Variants in UNC13C observed in about 807,000 individuals in gnomAD.
UNC13C encodes unc-13 homolog C.
Under a neutral mutation model 245.4 loss-of-function variants are expected in UNC13C, and 174 were observed. The observed-to-expected ratio is 0.71, with a 90% CI of 0.63 to 0.80. The LOEUF (loss-of-function observed/expected upper bound fraction) is 0.80, where lower values mean the gene tolerates loss of function less well. Among genes scored for constraint, UNC13C ranks in the 30% least tolerant of loss-of-function variants. The probability of loss-of-function intolerance (pLI) is 0.00; values close to 1 mark genes in which losing one functional copy is unlikely to be tolerated. For synonymous variants in UNC13C, 992 were observed against 895.1 expected (o/e 1.11, Z -1.93); for missense variants, 2,829 against 2,602.9 (o/e 1.09, Z -1.89).
chr15:54,417,476 C>T (rs1596346539), intron 19 of UNC13C, among the ~76,000 whole-genome samples: 2 of 152,174 alleles, frequency 1.3e-5, no homozygotes, highest in South Asian at 4.2e-4. Flanking sequence ...TGACAATTAA[C>T]CTTACCATTT....
the UNC13C span, among the ~76,000 whole-genome samples, chr15:53,964,383 A>C: frequency 6.6e-6 from 1 of 152,186 alleles, no homozygotes; most frequent in Non-Finnish European, 1.5e-5. Context: ...TAAGAATTAC[A>C]CTTAGTACAA....
intron 2 of UNC13C, among the ~76,000 whole-genome samples, chr15:54,096,939 G>A (rs567461105): frequency 1.3e-5 from 2 of 152,128 alleles, no homozygotes; most frequent in Admixed American, 6.5e-5. Flanking sequence ...CCTTAAATGG[G>A]AAACTTTTGT....
chr15:54,217,257 T>A (rs2140769314), intron 4 of UNC13C, among the ~76,000 whole-genome samples: 1 of 152,036 alleles, frequency 6.6e-6, no homozygotes, highest in East Asian at 1.9e-4. Flanking sequence ...TGAAATTAAA[T>A]AACTGGGACT....
intron 18 of UNC13C, among the ~76,000 whole-genome samples, chr15:54,409,447 G>A (rs2040373403): frequency 6.6e-6 from 1 of 152,020 alleles, no homozygotes; most frequent in Non-Finnish European, 1.5e-5. Context: ...GTAAGTCATG[G>A]GGGTTTGATA....
At chr15:53,927,768 T>A in the UNC13C span, among the ~76,000 whole-genome samples, 1 of 152,164 alleles carries the variant, frequency 6.6e-6, no homozygotes, top group Non-Finnish European at 1.5e-5. Flanking sequence ...ACTGGCTTGA[T>A]CTGACTTGCA....
chr15:54,355,947 A>T (rs1013156673), intron 17 of UNC13C, among the ~76,000 whole-genome samples: 2 of 152,216 alleles, frequency 1.3e-5, no homozygotes, highest in African/African-American at 4.8e-5. Context: ...GTACACATAC[A>T]GATATATGAA....
At chr15:53,969,824 AT>A in the UNC13C span, among the ~76,000 whole-genome samples, 4 of 151,924 alleles carry the variant, frequency 2.6e-5, no homozygotes, top group East Asian at 1.9e-4. Flanking sequence ...GAACTTTTTC[AT>A]TTTTTAAAAC....
intron 2 of UNC13C, among the ~76,000 whole-genome samples, chr15:54,095,034 A>T (rs1471625415): frequency 6.6e-6 from 1 of 152,176 alleles, no homozygotes; most frequent in East Asian, 1.9e-4. Flanking sequence ...CCCCACACAG[A>T]TTCTCACACA....
At chr15:54,591,700 A>G (rs1326488725) in intron 30 of UNC13C, among the ~76,000 whole-genome samples, 3 of 152,032 alleles carry the variant, frequency 2.0e-5, no homozygotes, top group Admixed American at 6.6e-5. Flanking sequence ...AATCTTGCTA[A>G]TAGTCCATCA....
intron 10 of UNC13C, among the ~76,000 whole-genome samples, chr15:54,279,799 T>G (rs1275309171): frequency 6.6e-6 from 1 of 152,224 alleles, no homozygotes; most frequent in Non-Finnish European, 1.5e-5. Flanking sequence ...CATTAGAATG[T>G]TTTTCTGTTC....
At chr15:53,910,682 G>T in the UNC13C span, 3 of 147,116 alleles carry the variant, frequency 2.0e-5, 1 homozygote. Context: ...CCGTGCAGTT[G>T]CAGGTGTGGG....
chr15:54,237,388 A>G (rs550577934), intron 6 of UNC13C, among the ~76,000 whole-genome samples: 1 of 152,230 alleles, frequency 6.6e-6, no homozygotes, highest in African/African-American at 2.4e-5. Context: ...CCTCAGTTTC[A>G]TCATCTATAA....
intron 30 of UNC13C, among the ~76,000 whole-genome samples, chr15:54,604,820 G>C (rs1405060627): frequency 1.3e-5 from 2 of 152,214 alleles, no homozygotes; most frequent in East Asian, 3.9e-4. Context: ...ATAATAGAGA[G>C]CATGAGAAAT....
chr15:54,287,564 G>C (rs1265725144), intron 10 of UNC13C, among the ~76,000 whole-genome samples: 1 of 152,074 alleles, frequency 6.6e-6, no homozygotes, highest in East Asian at 1.9e-4. Flanking sequence ...TCCCTTCAAA[G>C]AACAAAGCTT....
At chr15:54,177,901 T>A (rs191029510) in intron 4 of UNC13C, among the ~76,000 whole-genome samples, 134 of 152,218 alleles carry the variant, frequency 8.8e-4, no homozygotes, top group African/African-American at 3.1e-3. Context: ...TATTAAACAT[T>A]TTTTCTCATT....
intron 2 of UNC13C, among the ~76,000 whole-genome samples, chr15:54,064,606 C>T (rs1349484747): frequency 6.6e-6 from 1 of 152,172 alleles, no homozygotes; most frequent in Non-Finnish European, 1.5e-5. Context: ...TGGACATATT[C>T]CAAATATATA....
intron 2 of UNC13C, among the ~76,000 whole-genome samples, chr15:54,112,767 A>T (rs1302719925): frequency 6.6e-6 from 1 of 152,212 alleles, no homozygotes; most frequent in Non-Finnish European, 1.5e-5. Flanking sequence ...TGCCAAAATA[A>T]TTTCTTTTTA....
rs554181830 is a variant in UNC13C, at chr15:54,048,001, A to T, written c.2983+32115A>T. On this transcript the variant is annotated intron_variant, in intron 2 of 32. Transcript: ENST00000260323. ...TGGTTTAGAAAAATATAAAACCAAG[A>T]AGTACATAAATTACTTTGTTTTTCA... Among the ~76,000 whole-genome samples the T allele has an allele frequency of 1.2e-3, 189 of 152,296 alleles. 4 individuals carry two copies. In the South Asian group the frequency reaches 0.039, roughly 31 times the overall value.
chr15:54,501,917 A>G (rs1894234764), intron 22 of UNC13C, among the ~76,000 whole-genome samples: 1 of 152,146 alleles, frequency 6.6e-6, no homozygotes, highest in African/African-American at 2.4e-5. Flanking sequence ...ATGTTGGGAG[A>G]GTGAAGATAC....
Sources: gnomAD v4.1 joint callset for allele counts (sites outside exome capture counted in the v4.1 genomes callset) on GRCh38, gnomAD v4.1.1 for gene constraint, MANE v1.5 for transcripts, NCBI Gene and HGNC (gene_info 2026-07-23, HGNC 2026-07-21) for gene names.